MORC1: variants seen among roughly 807,000 people sequenced by gnomAD.
MORC1 encodes the protein MORC family CW-type zinc finger protein 1.
MORC1 carries 59 observed loss-of-function variants against 134.9 expected under a neutral mutation model. The ratio of observed to expected loss-of-function variants is 0.44; its 90% CI spans 0.35 to 0.54. MORC1 has a LOEUF of 0.54. MORC1 is among the 20% of genes least tolerant of loss of function. The pLI is 0.00. For synonymous variants in MORC1, 395 were observed against 391.7 expected, an observed-to-expected ratio of 1.01 and a Z score of -0.10; for missense variants, 947 against 1,134.5, an observed-to-expected ratio of 0.83 and a Z score of 2.37.
intron 14 of MORC1, among the ~76,000 whole-genome samples, chr3:109,051,361 C>A (rs1949822927): frequency 6.6e-6 from 1 of 152,186 alleles, no homozygotes; most frequent in South Asian, 2.1e-4. Flanking sequence ...TTCATTAAAA[C>A]TGTGTGCCCT....
intron 6 of MORC1, among the ~76,000 whole-genome samples, chr3:109,098,946 T>C (rs1041228166): frequency 1.4e-4 from 22 of 152,224 alleles, no homozygotes; most frequent in Non-Finnish European, 2.9e-4. Context: ...GTTGAAATTA[T>C]GGTCACCAGA....
chr3:109,041,714 G>A (rs986017029), intron 14 of MORC1, among the ~76,000 whole-genome samples: 3 of 152,150 alleles, frequency 2.0e-5, no homozygotes, highest in African/African-American at 7.2e-5. Flanking sequence ...GGGTGTGGTG[G>A]CGCATACCTG....
chr3:108,966,578 G>A (rs1252814774), intron 26 of MORC1, among the ~76,000 whole-genome samples: 1 of 152,148 alleles, frequency 6.6e-6, no homozygotes, highest in Admixed American at 6.6e-5. Flanking sequence ...AGGAGAAAGT[G>A]AAATATAATA....
chr3:108,989,669 C>T (rs1205081628), intron 21 of MORC1, among the ~76,000 whole-genome samples: 2 of 152,140 alleles, frequency 1.3e-5, no homozygotes, highest in African/African-American at 4.8e-5. Context: ...ACTTCAAGCA[C>T]TTATTATTAT....
In MORC1 at chr3:109,007,059, G is replaced by T; in HGVS notation, c.1737C>A (p.Val579=). The change falls in exon 18 of 28, where the codon GTC becomes GTA. Residue 579 remains valine, a synonymous_variant. Coordinates refer to ENST00000232603, the MANE Select transcript of MORC1 (RefSeq NM_014429.4). ...GTGCTGAAGTTAGGCAGGTGGAAGT[G>T]ACAGTGATTTCGTCCACTGGTATAA... ...PQFIPVDEIT[V]TSTCLTSAHK... is the part of the protein sequence containing the mutation. 1 of 1,612,586 alleles carries T rather than the reference G, an allele frequency of 6.2e-7. No homozygotes were observed.
intron 23 of MORC1, among the ~76,000 whole-genome samples, chr3:108,984,103 T>C (rs1037388445): frequency 2.6e-5 from 4 of 152,110 alleles, no homozygotes; most frequent in Non-Finnish European, 5.9e-5. Context: ...CCCCTCTCTG[T>C]TTTTTCTTGC....
At chr3:108,997,523 G>A (rs1348287648) in intron 21 of MORC1, among the ~76,000 whole-genome samples, 1 of 151,890 alleles carries the variant, frequency 6.6e-6, no homozygotes, top group African/African-American at 2.4e-5. Flanking sequence ...AATTTAAAAG[G>A]TAAAATAAAA....
intron 20 of MORC1, among the ~76,000 whole-genome samples, chr3:109,004,284 T>G (rs926839690): frequency 6.2e-4 from 95 of 152,206 alleles, no homozygotes; most frequent in African/African-American, 2.3e-3. Flanking sequence ...CAATATCGAC[T>G]CTTTAAGGTC....
At chr3:109,061,272 C>T (rs952234280) in intron 11 of MORC1, among the ~76,000 whole-genome samples, 1 of 152,144 alleles carries the variant, frequency 6.6e-6, no homozygotes, top group African/African-American at 2.4e-5. Context: ...AAATATGTTG[C>T]TTAATCATTC....
At chr3:108,989,545 C>T (rs1235947921) in intron 21 of MORC1, among the ~76,000 whole-genome samples, 1 of 152,058 alleles carries the variant, frequency 6.6e-6, no homozygotes, top group Non-Finnish European at 1.5e-5. Flanking sequence ...AAGAACACGC[C>T]ACAGGCAGCT....
chr3:109,044,835 C>G (rs1166619656), intron 14 of MORC1, among the ~76,000 whole-genome samples: 2 of 130,008 alleles, frequency 1.5e-5, no homozygotes, highest in Admixed American at 8.2e-5. Context: ...ATCCCAGCTA[C>G]TTGGGAGGCT....
At chr3:109,053,291 A>G (rs1949873160) in intron 14 of MORC1, among the ~76,000 whole-genome samples, 1 of 152,144 alleles carries the variant, frequency 6.6e-6, no homozygotes, top group Non-Finnish European at 1.5e-5. Flanking sequence ...AAGGAAACTC[A>G]GTTGTTCTAC....
At chr3:109,036,891 G>T (rs184482604) in intron 14 of MORC1, among the ~76,000 whole-genome samples, 3 of 152,274 alleles carry the variant, frequency 2.0e-5, no homozygotes, top group African/African-American at 4.8e-5. Context: ...CCAGTATTTG[G>T]TTTTTGTGGA....
intron 14 of MORC1, among the ~76,000 whole-genome samples, chr3:109,045,257 C>T (rs1316726422): frequency 6.6e-6 from 1 of 152,058 alleles, no homozygotes; most frequent in South Asian, 2.1e-4. Flanking sequence ...AATTTCATAC[C>T]TTTTCTCAGG....
intron 8 of MORC1, 103 bp downstream of exon 8, chr3:109,093,333 C>A: frequency 1.3e-6 from 1 of 783,278 alleles, no homozygotes; most frequent in Non-Finnish European, 2.1e-6. Context: ...TGAATTGTCC[C>A]AGTGCTAAAA....
chr3:109,112,772 T>A (rs1951197229), intron 2 of MORC1, among the ~76,000 whole-genome samples: 2 of 152,214 alleles, frequency 1.3e-5, no homozygotes, highest in African/African-American at 4.8e-5. Flanking sequence ...TCTCCCTTCC[T>A]TTTCTTTATA....
Position 109,118,114 on chromosome 3 carries a change from C to A in MORC1, c.-55G>T. 1 of 1,562,498 alleles carries A rather than the reference C, an allele frequency of 6.4e-7. No individual in the cohort carries two copies. The highest frequency in any genetic ancestry group is 8.7e-7 in the Non-Finnish European group (1 of 1,150,108). Reference sequence around the variant, plus strand: ...GGGACAAGGACACCTGACCGGCAGCCGTTCGCCTGCGCCCGCGCCCACTCC... The same window carrying A: ...GGGACAAGGACACCTGACCGGCAGCAGTTCGCCTGCGCCCGCGCCCACTCC... On this transcript the variant is annotated 5_prime_UTR_variant, in exon 1 of 28. Coordinates refer to ENST00000232603, the MANE Select transcript of MORC1 (RefSeq NM_014429.4).
intron 23 of MORC1, among the ~76,000 whole-genome samples, chr3:108,981,915 T>C (rs1165507920): frequency 6.6e-6 from 1 of 152,142 alleles, no homozygotes; most frequent in African/African-American, 2.4e-5. Flanking sequence ...TGGGATCTAA[T>C]TAAACTAAAG....
intron 22 of MORC1, among the ~76,000 whole-genome samples, chr3:108,986,185 T>C (rs1947888153): frequency 6.6e-6 from 1 of 152,200 alleles, no homozygotes; most frequent in East Asian, 1.9e-4. Context: ...TGGATGTGTT[T>C]CTTGGGTCCA....
Sources: allele counts gnomAD v4.1 joint callset (sites outside exome capture counted in the v4.1 genomes callset), GRCh38; gene constraint gnomAD v4.1.1; transcripts MANE v1.5; gene names NCBI Gene and HGNC (gene_info 2026-07-23, HGNC 2026-07-21).